PHACTR1: variants seen among roughly 807,000 people sequenced by gnomAD.
PHACTR1 encodes phosphatase and actin regulator 1, also known as RPEL repeat containing 1.
In PHACTR1, 16 loss-of-function variants were observed where a neutral mutation model predicts 69.2. The observed-to-expected ratio is 0.23, with a 90% confidence interval of 0.16 to 0.35. The LOEUF (loss-of-function observed/expected upper bound fraction) is 0.35. Ranked by LOEUF, PHACTR1 falls within the 10% of genes least tolerant of loss-of-function variation. The pLI is 1.00. For synonymous variants in PHACTR1, 312 were observed against 284.5 expected (o/e 1.10, Z -0.97); for missense variants, 510 against 734.7 (o/e 0.69, Z 3.54).
chr6:12,811,712 C>T (rs887609962), intron 4 of PHACTR1, among the ~76,000 whole-genome samples: 2 of 152,170 alleles, frequency 1.3e-5, no homozygotes, highest in Non-Finnish European at 2.9e-5. Flanking sequence ...CACGGATCAC[C>T]CTTTCTGAAG....
chr6:13,135,729 G>A (rs563095331), intron 5 of PHACTR1, among the ~76,000 whole-genome samples: 2 of 152,236 alleles, frequency 1.3e-5, no homozygotes, highest in South Asian at 4.1e-4. Context: ...TAATTAAAAC[G>A]TATTTTAGGC....
rs116336991 is a variant in PHACTR1 at position 12,917,581 on chromosome 6, T to A, written c.251-135784T>A. Among the ~76,000 whole-genome samples the A allele has an allele frequency of 6.0e-3, 910 of 152,218 alleles. 3 individuals carry two copies. The highest frequency in any genetic ancestry group is 9.3e-3 in the Non-Finnish European group (630 of 68,010). On this transcript the variant is annotated intron_variant, in intron 4 of 14. Coordinates refer to ENST00000332995, the MANE Select transcript of PHACTR1 (RefSeq NM_030948.6). ...AAGCCTGGGCAACAAAATGAGGCCC[T>A]GTCTGTAAACAAGTTAAAAATAAAA...
At chr6:13,148,575 CT>C (rs1189995816) in intron 5 of PHACTR1, among the ~76,000 whole-genome samples, 1 of 151,912 alleles carries the variant, frequency 6.6e-6, no homozygotes, top group Non-Finnish European at 1.5e-5. Flanking sequence ...TGTTTCCTTC[CT>C]TTTTTTTCAC....
intron 3 of PHACTR1, among the ~76,000 whole-genome samples, chr6:12,724,504 T>C (rs1762536719): frequency 6.6e-6 from 1 of 152,218 alleles, no homozygotes; most frequent in African/African-American, 2.4e-5. Flanking sequence ...GAAAGGGCTG[T>C]ACATTTAGAC....
At chr6:12,836,865 T>G (rs1024347761) in intron 4 of PHACTR1, among the ~76,000 whole-genome samples, 2 of 152,142 alleles carry the variant, frequency 1.3e-5, no homozygotes, top group Non-Finnish European at 2.9e-5. Flanking sequence ...CATCAGCTGG[T>G]TTAAAGGACC....
chr6:12,967,389 A>T (rs563063252), intron 4 of PHACTR1, among the ~76,000 whole-genome samples: 1 of 152,340 alleles, frequency 6.6e-6, no homozygotes, highest in South Asian at 2.1e-4. Flanking sequence ...GAAGAAAAGT[A>T]AGCTTGAATC....
chr6:13,161,378 C>G (rs926822978), intron 6 of PHACTR1, among the ~76,000 whole-genome samples: 1 of 152,176 alleles, frequency 6.6e-6, no homozygotes, highest in Non-Finnish European at 1.5e-5. Context: ...CTTTCTCTCA[C>G]TCTGAGGACC....
intron 4 of PHACTR1, among the ~76,000 whole-genome samples, chr6:12,826,495 A>G (rs893401924): frequency 6.6e-6 from 1 of 152,208 alleles, no homozygotes; most frequent in Admixed American, 6.5e-5. Context: ...TATCATCTCC[A>G]TGGGGAAATA....
At chr6:13,188,382 A>G (rs1763085356) in intron 7 of PHACTR1, among the ~76,000 whole-genome samples, 2 of 152,222 alleles carry the variant, frequency 1.3e-5, no homozygotes, top group South Asian at 4.1e-4. Flanking sequence ...GCCATGTCAG[A>G]AGGAATTAAT....
chr6:12,849,952 T>C (rs1293024737), intron 4 of PHACTR1, among the ~76,000 whole-genome samples: 1 of 152,204 alleles, frequency 6.6e-6, no homozygotes, highest in Non-Finnish European at 1.5e-5. Flanking sequence ...CATACACTGC[T>C]TTGTCACTGA....
rs200108103 is a variant in PHACTR1, at chr6:13,187,062, T to A, written c.664+4376T>A. Reference sequence around the variant, plus strand: ...AGGGTTCGCGCTCATCTAATGCTGCTGTTGATTTGACAGGAGGTGGAGCTC... The same window carrying A: ...AGGGTTCGCGCTCATCTAATGCTGCAGTTGATTTGACAGGAGGTGGAGCTC... On this transcript the variant is annotated intron_variant, in intron 7 of 14. Transcript: ENST00000332995. 3.2e-4 allele frequency among the ~76,000 whole-genome samples: 49 copies of A among 152,228 alleles called. No homozygotes were observed. In the East Asian group the frequency reaches 9.5e-3, roughly 29 times the overall value.
intron 5 of PHACTR1, among the ~76,000 whole-genome samples, chr6:13,137,997 A>G (rs1821824639): frequency 6.6e-6 from 1 of 152,230 alleles, no homozygotes; most frequent in Admixed American, 6.5e-5. Context: ...AGAAAGCCAG[A>G]TGCTAATTAA....
intron 9 of PHACTR1, 145 bp downstream of exon 9, chr6:13,228,208 T>A: frequency 9.7e-7 from 1 of 1,030,510 alleles, no homozygotes; most frequent in Non-Finnish European, 1.4e-6. Context: ...CAGCTTAGTC[T>A]ACCTGTTGGG....
chr6:12,963,927 A>G (rs1793086233), intron 4 of PHACTR1, among the ~76,000 whole-genome samples: 1 of 152,214 alleles, frequency 6.6e-6, no homozygotes, highest in African/African-American at 2.4e-5. Flanking sequence ...CTGGAGGCTG[A>G]AAATGTTTAG....
chr6:12,830,155 A>C (rs199972041), intron 4 of PHACTR1, among the ~76,000 whole-genome samples: 64 of 143,258 alleles, frequency 4.5e-4, no homozygotes, highest in African/African-American at 5.3e-4. Context: ...GAAAGAAAGA[A>C]AGACATCTTC....
chr6:12,829,335 A>G (rs1021505694), intron 4 of PHACTR1, among the ~76,000 whole-genome samples: 1 of 152,240 alleles, frequency 6.6e-6, no homozygotes, highest in African/African-American at 2.4e-5. Flanking sequence ...ATGAAGTTGT[A>G]TCTCAGCCTA....
chr6:12,897,344 G>T (rs1784763392), intron 4 of PHACTR1, among the ~76,000 whole-genome samples: 1 of 152,100 alleles, frequency 6.6e-6, no homozygotes, highest in African/African-American at 2.4e-5. Context: ...CCCGCTTTAA[G>T]CCAATCCCAC....
At chr6:13,058,079 C>T (rs191718019) in intron 5 of PHACTR1, among the ~76,000 whole-genome samples, 1 of 152,286 alleles carries the variant, frequency 6.6e-6, no homozygotes, top group East Asian at 1.9e-4. Context: ...ACCTATGAGC[C>T]TGATACATTC....
intron 4 of PHACTR1, among the ~76,000 whole-genome samples, chr6:12,951,681 G>T (rs932877368): frequency 3.9e-5 from 6 of 152,168 alleles, no homozygotes; most frequent in African/African-American, 1.4e-4. Context: ...TCAGAAATCA[G>T]CTTCTCCTTT....
Sources: gnomAD v4.1 joint callset for allele counts (sites outside exome capture counted in the v4.1 genomes callset) on GRCh38, gnomAD v4.1.1 for gene constraint, MANE v1.5 for transcripts, NCBI Gene and HGNC (gene_info 2026-07-23, HGNC 2026-07-21) for gene names.